Variants in NECAP2 observed in about 807,000 individuals in gnomAD.
NECAP2 encodes adaptin ear-binding coat-associated protein 2.
A neutral mutation model predicts 37.8 loss-of-function variants in NECAP2; 38 were observed. That is an observed-to-expected ratio of 1.01 (90% confidence interval 0.78 to 1.32). The LOEUF (loss-of-function observed/expected upper bound fraction) is 1.32. Ranked by LOEUF, NECAP2 falls within the 40% of genes most tolerant of loss-of-function variation. The pLI, the probability that NECAP2 is intolerant of heterozygous loss-of-function variation, is 0.00. For missense variants in NECAP2, 316 were observed against 334.5 expected, an observed-to-expected ratio of 0.94 and a Z score of 0.43; for synonymous variants, 121 against 127.7, an observed-to-expected ratio of 0.95 and a Z score of 0.35.
chr1:16,448,012 G>A lies in NECAP2; in HGVS notation c.298+38G>A, dbSNP rs776146867. 4.3e-6 allele frequency: 7 copies of A among 1,613,840 alleles called. No individual in the cohort carries two copies. In the African/African-American group the frequency reaches 5.3e-5, roughly 12 times the overall value. Reference sequence around the variant, plus strand: ...CCTGGTGCTTCCTCCTCTTGGGAAAGGTTTTCTCTGCCTTTGGAAGGTGGG... The same window carrying A: ...CCTGGTGCTTCCTCCTCTTGGGAAAAGTTTTCTCTGCCTTTGGAAGGTGGG... On this transcript the variant is annotated intron_variant, in intron 3 of 7. Transcript: ENST00000337132.
At chr1:16,446,261 A>T (rs1268942185) in intron 2 of NECAP2, among the ~76,000 whole-genome samples, 1 of 152,204 alleles carries the variant, frequency 6.6e-6, no homozygotes, top group East Asian at 1.9e-4. Context: ...AGTAGAAGAT[A>T]TATGGTTAAA....
At chr1:16,452,085 A>G (rs1349889042) in intron 6 of NECAP2, 70 bp downstream of exon 6, 6 of 1,447,766 alleles carry the variant, frequency 4.1e-6, no homozygotes, top group Non-Finnish European at 4.7e-6. Flanking sequence ...GCCAGGCCCC[A>G]TGGTTTCCCC....
intron 5 of NECAP2, 193 bp from the exon 6 acceptor site, chr1:16,451,645 A>G (rs1484103346): frequency 6.3e-6 from 4 of 633,138 alleles, no homozygotes; most frequent in South Asian, 5.7e-5. Flanking sequence ...TTTAAAATGG[A>G]CCTTATTTGT....
At chr1:16,452,276 G>T (rs760210948) in intron 6 of NECAP2, among the ~76,000 whole-genome samples, 26 of 152,152 alleles carry the variant, frequency 1.7e-4, no homozygotes, top group Admixed American at 3.3e-4. Context: ...CAACATGTCG[G>T]TTCCTGGTTC....
chr1:16,459,032 A>AGG lies in NECAP2; in HGVS notation c.*142_*143insGG. On this transcript the variant is annotated 3_prime_UTR_variant, in exon 8 of 8. Transcript: ENST00000337132. ...TCCTCCTTGTCTGGCTCTGTTGACA[A>AGG]ACCGGGCATGTTTGGCAGTAAATTG... 6.5e-7 allele frequency: 1 copy of AGG among 1,541,352 alleles called. No homozygotes were observed. The highest frequency in any genetic ancestry group is 8.7e-7 in the Non-Finnish European group (1 of 1,143,248).
intron 2 of NECAP2, among the ~76,000 whole-genome samples, chr1:16,446,682 T>TAA (rs1056323406): frequency 4.6e-5 from 7 of 152,002 alleles, no homozygotes; most frequent in African/African-American, 1.7e-4. Context: ...GAGCTGGAAC[T>TAA]AAATGTGCAT....
chr1:16,442,341 A>C (rs954071337), intron 1 of NECAP2, among the ~76,000 whole-genome samples: 1 of 152,054 alleles, frequency 6.6e-6, no homozygotes, highest in Non-Finnish European at 1.5e-5. Context: ...CGAGGTTATG[A>C]ATTGTCAGGG....
At chr1:16,445,514 G>T (rs891062106) in intron 2 of NECAP2, among the ~76,000 whole-genome samples, 4 of 152,210 alleles carry the variant, frequency 2.6e-5, no homozygotes, top group African/African-American at 9.7e-5. Flanking sequence ...GTAGGCTGAA[G>T]GAATCTTGGT....
At position 16,456,713 on chromosome 1, in the gene NECAP2, CAG is replaced by C. The variant is rs551983022; in HGVS notation, c.743+821_743+822del. Reference sequence around the variant, plus strand: ...TTATTTACATGGACAGATTCTAGGACAGGGGTCAGCACACATTTTCTTTTTCT... The same window carrying C: ...TTATTTACATGGACAGATTCTAGGACGGGTCAGCACACATTTTCTTTTTCT... On this transcript the variant is annotated intron_variant, in intron 7 of 7. Coordinates refer to ENST00000337132, the MANE Select transcript of NECAP2 (RefSeq NM_018090.5). 1.2e-3 allele frequency among the ~76,000 whole-genome samples: 183 copies of C among 152,276 alleles called. 1 individual carries two copies. In the Middle Eastern group the frequency reaches 0.027, roughly 23 times the overall value.
intron 2 of NECAP2, among the ~76,000 whole-genome samples, chr1:16,445,236 T>C (rs910233742): frequency 6.6e-6 from 1 of 152,204 alleles, no homozygotes; most frequent in Non-Finnish European, 1.5e-5. Context: ...TGGGTCATGT[T>C]AGACTCTTAC....
intron 7 of NECAP2, 131 bp downstream of exon 7, chr1:16,456,024 C>CT (rs56097788): frequency 0.22 from 104,170 of 474,420 alleles, 3,492 homozygotes; most frequent in East Asian, 0.25. Flanking sequence ...GTTTTCTTTT[C>CT]TTTTTTTTTT....
intron 2 of NECAP2, among the ~76,000 whole-genome samples, chr1:16,446,616 C>G (rs2086767349): frequency 6.6e-6 from 1 of 151,922 alleles, no homozygotes; most frequent in African/African-American, 2.4e-5. Context: ...ACAATCTCAG[C>G]TCACTGCAGC....
At chr1:16,455,509 A>G (rs1038955498) in intron 6 of NECAP2, 3 of 341,742 alleles carry the variant, frequency 8.8e-6, no homozygotes, top group Non-Finnish European at 1.6e-5. Context: ...TAACAAAGTC[A>G]GCTTCAGGTA....
intron 7 of NECAP2, 24 bp downstream of exon 7, chr1:16,455,917 A>AGGGGCT (rs2086910539): frequency 6.3e-7 from 1 of 1,596,024 alleles, no homozygotes; most frequent in Admixed American, 1.7e-5. Context: ...TGTTCTGCGG[A>AGGGGCT]GGGGCTGGGG....
chr1:16,446,641 G>A (rs1184108458), intron 2 of NECAP2, among the ~76,000 whole-genome samples: 1 of 152,030 alleles, frequency 6.6e-6, no homozygotes, highest in African/African-American at 2.4e-5. Context: ...AACTCCTGGG[G>A]TCAGGGATCC....
At chr1:16,458,809 A>ACT in intron 7 of NECAP2, 33 bp from the exon 8 acceptor site, 1 of 1,609,582 alleles carries the variant, frequency 6.2e-7, no homozygotes, top group Non-Finnish European at 8.5e-7. Context: ...AAAGATCTGA[A>ACT]CTCCCCCACC....
chr1:16,448,018 C>T (rs1383591111), intron 3 of NECAP2, 42 bp from the exon 4 acceptor site: 14 of 1,613,870 alleles, frequency 8.7e-6, no homozygotes, highest in Non-Finnish European at 1.2e-5. Flanking sequence ...GAAAGGTTTT[C>T]TCTGCCTTTG....
chr1:16,443,328 T>C (rs959129504), intron 1 of NECAP2, among the ~76,000 whole-genome samples: 1 of 152,268 alleles, frequency 6.6e-6, no homozygotes, highest in Non-Finnish European at 1.5e-5. Flanking sequence ...CTGGGAACAT[T>C]ACATGAATTT....
At chr1:16,450,434 G>T (rs74055679) in intron 5 of NECAP2, 4,681 of 213,530 alleles carry the variant, frequency 0.022, 231 homozygotes, top group African/African-American at 0.1. Context: ...CTCACACTGA[G>T]GTCTTTGAGG....
Sources: allele counts gnomAD v4.1 joint callset (sites outside exome capture counted in the v4.1 genomes callset), GRCh38; gene constraint gnomAD v4.1.1; transcripts MANE v1.5; gene names NCBI Gene and HGNC (gene_info 2026-07-23, HGNC 2026-07-21).